Variants in RARRES1 observed in about 807,000 individuals in gnomAD.
RARRES1 encodes the protein retinoic acid receptor responder 1.
RARRES1 carries 34 observed loss-of-function variants against 30.6 expected under a neutral mutation model. The ratio of observed to expected loss-of-function variants is 1.11; its 90% CI spans 0.84 to 1.48. The LOEUF is 1.48. Among genes scored for constraint, RARRES1 ranks in the 40% most tolerant of loss-of-function variants. The probability of loss-of-function intolerance (pLI) is 0.00; values close to 1 mark genes in which losing one functional copy is unlikely to be tolerated. For synonymous variants in RARRES1, 153 were observed against 155.5 expected (o/e 0.98, Z 0.12); for missense variants, 373 against 386.5 (o/e 0.97, Z 0.29).
chr3:158,717,222 C>T (rs556179213), intron 1 of RARRES1, among the ~76,000 whole-genome samples: 88 of 152,336 alleles, frequency 5.8e-4, no homozygotes, highest in African/African-American at 1.9e-3. Flanking sequence ...AACAACATCA[C>T]TCCATGATTT....
At chr3:158,719,831 G>T (rs1015147460) in intron 1 of RARRES1, among the ~76,000 whole-genome samples, 2 of 152,112 alleles carry the variant, frequency 1.3e-5, no homozygotes, top group South Asian at 4.1e-4. Context: ...CATCACACTA[G>T]ATTTTATTTA....
In RARRES1 at chr3:158,700,202, A is replaced by AGTGTGTGTGT. The variant is rs138755640; in HGVS notation, c.673-2242_673-2233dup. Among the ~76,000 whole-genome samples, 822 of 147,752 alleles carry AGTGTGTGTGT rather than the reference A, an allele frequency of 5.6e-3. 4 individuals are homozygous for AGTGTGTGTGT. Among genetic ancestry groups the AGTGTGTGTGT allele is most frequent in the African/African-American group, 0.019 (773 of 39,878 alleles). The stretch of plus-strand genomic sequence containing the variant: ...CGTCTTTATTTAAAAAATAATAATA[A>AGTGTGTGTGT]GTGTGTGTGTGTGTGTGTGTGTATA... On this transcript the variant is annotated intron_variant, in intron 4 of 5. Transcript: ENST00000237696.
intron 2 of RARRES1, among the ~76,000 whole-genome samples, chr3:158,712,627 T>C (rs940518856): frequency 1.4e-5 from 2 of 148,080 alleles, no homozygotes; most frequent in African/African-American, 5.0e-5. Flanking sequence ...AGAAGGAACC[T>C]AGTACATGGC....
At position 158,697,495 on chromosome 3, in the gene RARRES1, A is replaced by G. The variant is rs180870734; in HGVS notation, c.*183T>C. On this transcript the variant is annotated 3_prime_UTR_variant, in exon 6 of 6. Coordinates refer to ENST00000237696, the MANE Select transcript of RARRES1 (RefSeq NM_206963.2). ...GAGTTCAGTGTGCATGCGCTTCCAG[A>G]GTTAAAAGCTAAAGCAGACTGAGAA... is the stretch of plus-strand genomic sequence containing the variant. 68 of 626,438 alleles carry G rather than the reference A, an allele frequency of 1.1e-4. No homozygotes were observed. The African/African-American group carries it at 1.2e-3, about 11-fold the overall frequency. 38.8% of individuals were successfully genotyped at this position (626,438 alleles called of 1,614,324 possible).
chr3:158,710,608 T>C (rs1727088684), intron 3 of RARRES1, 130 bp downstream of exon 3: 4 of 847,074 alleles, frequency 4.7e-6, no homozygotes, highest in Non-Finnish European at 3.6e-6. Context: ...GTTTAAATTA[T>C]GAGGGATACC....
In RARRES1 at chr3:158,697,613, TAGA is replaced by T. The variant is rs10577754; in HGVS notation, c.*62_*64del. ...AATGTCTATACCTTAGCTGTTTTACTAGAAGAATGATTTATGCTAGTATAGTCA... is the reference window on the plus strand; with the variant it reads ...AATGTCTATACCTTAGCTGTTTTACTAGAATGATTTATGCTAGTATAGTCA... On this transcript the variant is annotated 3_prime_UTR_variant, in exon 6 of 6. Coordinates refer to ENST00000237696, the MANE Select transcript of RARRES1 (RefSeq NM_206963.2). 248,443 of 1,471,216 alleles carry T rather than the reference TAGA, an allele frequency of 0.17. 22,067 individuals are homozygous for T. The highest frequency in any genetic ancestry group is 0.23 in the South Asian group (18,457 of 80,410). The allele number at this position is 1,471,216 out of a possible 1,614,324, so 91.1% of individuals were successfully genotyped here. A position where few individuals can be genotyped will look rare whatever the true frequency, so the allele number is the denominator to read the frequency against.
Position 158,712,166 on chromosome 3 carries a change from G to A in RARRES1, c.340-1233C>T, listed in dbSNP as rs536745439. Among the ~76,000 whole-genome samples the A allele has an allele frequency of 1.1e-4, 17 of 152,294 alleles. No homozygotes were observed. The East Asian group carries it at 2.5e-3, about 22-fold the overall frequency. On this transcript the variant is annotated intron_variant, in intron 2 of 5. Coordinates refer to ENST00000237696, the MANE Select transcript of RARRES1 (RefSeq NM_206963.2). ...TTGGCCCTGCCCAAATCCAACTCTC[G>A]TTGGCTGGTTGCATAGTTGAGGTGA...
intron 3 of RARRES1, among the ~76,000 whole-genome samples, chr3:158,707,180 C>CA (rs1274462159): frequency 6.9e-6 from 1 of 144,790 alleles, no homozygotes; most frequent in African/African-American, 2.5e-5. Context: ...AACAAACAAA[C>CA]AAAAAAACTA....
At chr3:158,724,431 G>C (rs992162101) in intron 1 of RARRES1, among the ~76,000 whole-genome samples, 6 of 152,110 alleles carry the variant, frequency 3.9e-5, no homozygotes, top group African/African-American at 1.4e-4. Flanking sequence ...TAATCACAAG[G>C]GTCCTATGAG....
chr3:158,718,192 A>G (rs1727386857), intron 1 of RARRES1, among the ~76,000 whole-genome samples: 2 of 151,976 alleles, frequency 1.3e-5, no homozygotes, highest in Admixed American at 6.6e-5. Flanking sequence ...GTTAGCCAGG[A>G]TGGTCTTGAT....
intron 4 of RARRES1, among the ~76,000 whole-genome samples, chr3:158,704,210 C>CTTTTTTTTT (rs78169321): frequency 2.4e-5 from 2 of 82,808 alleles, no homozygotes; most frequent in African/African-American, 8.5e-5. Context: ...TATTGCAATA[C>CTTTTTTTTT]TTTTTTTTTT....
At position 158,732,163 on chromosome 3, in the gene RARRES1, C is replaced by G. The variant is rs1404974771; in HGVS notation, c.253G>C (p.Glu85Gln). The G allele has an allele frequency of 1.4e-5, 19 of 1,406,544 alleles. No individual in the cohort carries two copies. The highest frequency in any genetic ancestry group is 1.7e-5 in the Non-Finnish European group (19 of 1,087,936). 87.1% of individuals were successfully genotyped at this position (1,406,544 alleles called of 1,614,324 possible). A position where few individuals can be genotyped will look rare whatever the true frequency, so the allele number is the denominator to read the frequency against. ...GSPSALRVLA[E>Q]VQEGRAWINP... The stretch of plus-strand genomic sequence containing the variant: ...ACCCACGCGCGGCCCTCCTGCACCT[C>G]GGCCAGCACTCGTAGCGCGCTGGGC... The change falls in exon 1 of 6, where the codon GAG becomes CAG. Residue 85 changes from glutamate to glutamine, a missense_variant. By Grantham distance (29) the Glu-to-Gln change is conservative. Coordinates refer to ENST00000237696, the MANE Select transcript of RARRES1 (RefSeq NM_206963.2).
Position 158,732,176 on chromosome 3 carries a change from T to A in RARRES1, c.240A>T (p.Leu80=). ...FNFRSGSPSA[L]RVLAEVQEGR... is the part of the protein sequence containing the mutation. ...CCTCCTGCACCTCGGCCAGCACTCG[T>A]AGCGCGCTGGGCGAGCCGGACCGGA... Residue 80 remains leucine (L), a synonymous_variant, in exon 1 of 6, where the codon CTA becomes CTT. Transcript: ENST00000237696. 7.1e-7 allele frequency: 1 copy of A among 1,412,580 alleles called. No individual in the cohort carries two copies. Among genetic ancestry groups the A allele is most frequent in the Non-Finnish European group, 9.2e-7 (1 of 1,089,512 alleles). 87.5% of individuals were successfully genotyped at this position (1,412,580 alleles called of 1,614,324 possible). A position where few individuals can be genotyped will look rare whatever the true frequency, so the allele number is the denominator to read the frequency against.
intron 1 of RARRES1, among the ~76,000 whole-genome samples, chr3:158,722,852 A>G (rs974037421): frequency 2.0e-5 from 3 of 146,894 alleles, no homozygotes; most frequent in African/African-American, 7.6e-5. Context: ...ACTGCACTCC[A>G]GCCTGGGCGA....
chr3:158,731,875 G>A (rs1194652323), intron 1 of RARRES1, among the ~76,000 whole-genome samples: 1 of 152,206 alleles, frequency 6.6e-6, no homozygotes, highest in Non-Finnish European at 1.5e-5. Flanking sequence ...CAAGAGCGCT[G>A]CCCTGTGAAA....
chr3:158,730,434 C>T (rs1365683113), intron 1 of RARRES1, among the ~76,000 whole-genome samples: 6 of 132,818 alleles, frequency 4.5e-5, no homozygotes, highest in African/African-American at 1.1e-4. Context: ...CTTTCTCTCT[C>T]TTTTTTTTCC....
chr3:158,709,609 G>A (rs1458299342), intron 3 of RARRES1, among the ~76,000 whole-genome samples: 1 of 152,172 alleles, frequency 6.6e-6, no homozygotes, highest in African/African-American at 2.4e-5. Context: ...TCAGTAAATC[G>A]ATGGGGAGCA....
chr3:158,699,772 T>C (rs1352418297), intron 4 of RARRES1, among the ~76,000 whole-genome samples: 2 of 152,190 alleles, frequency 1.3e-5, no homozygotes, highest in Non-Finnish European at 2.9e-5. Flanking sequence ...AGGCACAAGC[T>C]GGAAAGTCAG....
At position 158,710,891 on chromosome 3, in the gene RARRES1, C is replaced by T; in HGVS notation, c.382G>A (p.Ala128Thr). The T allele has an allele frequency of 6.2e-7, 1 of 1,613,988 alleles. No individual in the cohort carries two copies. Among genetic ancestry groups the T allele is most frequent in the Non-Finnish European group, 8.5e-7 (1 of 1,179,976 alleles). The change falls in exon 3 of 6, where the codon GCT becomes ACT. Residue 128 changes from alanine to threonine, a missense_variant. By Grantham distance (58) the Ala-to-Thr change is moderately conservative. Coordinates refer to ENST00000237696, the MANE Select transcript of RARRES1 (RefSeq NM_206963.2). ...TTCTGATTCTTGAAAAACACTCGAG[C>T]AGAACATTTCCCCAAACGTCCCTCA... ...EGEGRLGKCS[A>T]RVFFKNQKPR... is the part of the protein sequence containing the mutation.
Sources: gnomAD v4.1 joint callset for allele counts (sites outside exome capture counted in the v4.1 genomes callset) on GRCh38, gnomAD v4.1.1 for gene constraint, MANE v1.5 for transcripts, NCBI Gene and HGNC (gene_info 2026-07-23, HGNC 2026-07-21) for gene names.